CALN1: variants seen among roughly 807,000 people sequenced by gnomAD.
The protein encoded by CALN1 is calcium-binding protein 8.
Under a neutral mutation model 30.6 loss-of-function variants are expected in CALN1, and 17 were observed. The ratio of observed to expected loss-of-function variants is 0.56; its 90% CI spans 0.38 to 0.83. The LOEUF (loss-of-function observed/expected upper bound fraction) is 0.83. CALN1 is among the 40% of genes least tolerant of loss of function. CALN1 has a pLI of 0.00. For missense variants in CALN1, 291 were observed against 354.9 expected (o/e 0.82, Z 1.45); for synonymous variants, 156 against 131.4 (o/e 1.19, Z -1.28).
intron 3 of CALN1, among the ~76,000 whole-genome samples, chr7:72,190,462 C>T (rs1790521665): frequency 6.6e-6 from 1 of 152,184 alleles, no homozygotes; most frequent in South Asian, 2.1e-4. Context: ...CAGCATTTCC[C>T]AGACTTATTT....
intron 5 of CALN1, among the ~76,000 whole-genome samples, chr7:71,825,017 T>C (rs1562813594): frequency 6.6e-6 from 1 of 152,212 alleles, no homozygotes; most frequent in Non-Finnish European, 1.5e-5. Flanking sequence ...GCGAGGTCAG[T>C]AGATCTGCAT....
intron 2 of CALN1, among the ~76,000 whole-genome samples, chr7:72,306,277 A>T (rs887855680): frequency 6.6e-6 from 1 of 152,186 alleles, no homozygotes; most frequent in African/African-American, 2.4e-5. Context: ...ACATAGCTAG[A>T]TCTTTTTCTT....
intron 1 of CALN1, among the ~76,000 whole-genome samples, chr7:72,410,989 G>T (rs1026905226): frequency 5.9e-5 from 9 of 152,124 alleles, no homozygotes; most frequent in Admixed American, 2.6e-4. Context: ...TATATGTATG[G>T]AAAATCCCAA....
rs1325406238 is a variant in CALN1, at chr7:72,395,914, T to G, written c.119+7337A>C. 3.9e-5 allele frequency among the ~76,000 whole-genome samples: 6 copies of G among 152,180 alleles called. No homozygotes were observed. The East Asian group carries it at 1.2e-3, about 29-fold the overall frequency. On this transcript the variant is annotated intron_variant, in intron 2 of 6. Coordinates refer to ENST00000395275, the MANE Select transcript of CALN1 (RefSeq NM_031468.4). ...AATTCCAGGAGCTTCCTGAAAAGCT[T>G]CTGATTTAGGAGGTAGGACCTCCAA...
intron 5 of CALN1, among the ~76,000 whole-genome samples, chr7:71,980,215 C>A (rs1798323999): frequency 7.1e-6 from 1 of 141,146 alleles, no homozygotes; most frequent in Non-Finnish European, 1.5e-5. Flanking sequence ...GAGACAGAGT[C>A]TCACTCTCTT....
chr7:71,964,354 G>T (rs778554108), intron 5 of CALN1, among the ~76,000 whole-genome samples: 1 of 152,176 alleles, frequency 6.6e-6, no homozygotes, highest in African/African-American at 2.4e-5. Flanking sequence ...CTTGGTGGGC[G>T]TCTGTTACAG....
the CALN1 span, among the ~76,000 whole-genome samples, chr7:72,492,670 C>T: frequency 6.6e-6 from 1 of 152,192 alleles, no homozygotes; most frequent in Non-Finnish European, 1.5e-5. Context: ...AATAGTTGGA[C>T]TAGTGATTAG....
intron 5 of CALN1, among the ~76,000 whole-genome samples, chr7:71,934,601 G>A (rs1795733174): frequency 6.6e-6 from 1 of 152,150 alleles, no homozygotes; most frequent in Admixed American, 6.6e-5. Context: ...CTAACAGAAC[G>A]AGAACTCACT....
intron 5 of CALN1, among the ~76,000 whole-genome samples, chr7:71,853,381 T>C (rs1010952319): frequency 2.6e-5 from 4 of 152,172 alleles, no homozygotes; most frequent in African/African-American, 9.7e-5. Flanking sequence ...ATGTATACAT[T>C]ATGCAATGGC....
At chr7:72,205,365 T>C (rs1399671826) in intron 3 of CALN1, among the ~76,000 whole-genome samples, 2 of 150,608 alleles carry the variant, frequency 1.3e-5, no homozygotes, top group African/African-American at 4.9e-5. Context: ...CACACCTGGC[T>C]AATTTTTTGT....
chr7:72,074,666 C>G (rs1340101096), intron 4 of CALN1, among the ~76,000 whole-genome samples: 1 of 152,174 alleles, frequency 6.6e-6, no homozygotes. Context: ...CCTTGGCCTC[C>G]CAAAGTGTTG....
chr7:72,305,646 C>G (rs190491188), intron 2 of CALN1, among the ~76,000 whole-genome samples: 14 of 152,282 alleles, frequency 9.2e-5, no homozygotes, highest in Admixed American at 7.9e-4. Context: ...GCACACTGTA[C>G]CCAACATTGA....
At chr7:71,853,270 A>C (rs1790753302) in intron 5 of CALN1, among the ~76,000 whole-genome samples, 1 of 152,056 alleles carries the variant, frequency 6.6e-6, no homozygotes, top group Non-Finnish European at 1.5e-5. Flanking sequence ...ATTGGATTTT[A>C]AAATAAATTT....
chr7:72,406,615 C>CTT (rs1189744119), intron 1 of CALN1, among the ~76,000 whole-genome samples: 3 of 102,206 alleles, frequency 2.9e-5, no homozygotes, highest in African/African-American at 5.4e-5. Flanking sequence ...TCCTTGTCAG[C>CTT]TTTTTTTTTT....
At chr7:72,174,411 G>A (rs192680694) in intron 3 of CALN1, among the ~76,000 whole-genome samples, 147 of 152,214 alleles carry the variant, frequency 9.7e-4, no homozygotes, top group African/African-American at 3.4e-3. Context: ...GGAAACATAT[G>A]TCCACAGGAA....
chr7:72,221,379 G>A (rs951953186), intron 3 of CALN1, among the ~76,000 whole-genome samples: 2 of 144,160 alleles, frequency 1.4e-5, no homozygotes, highest in Non-Finnish European at 3.0e-5. Context: ...GTGCAGTGGC[G>A]TGATTTTGGC....
intron 3 of CALN1, among the ~76,000 whole-genome samples, chr7:72,225,472 G>C (rs1344001589): frequency 6.6e-6 from 1 of 152,078 alleles, no homozygotes; most frequent in African/African-American, 2.4e-5. Flanking sequence ...TGTTGGTCAA[G>C]CTTCAAAAGG....
At chr7:72,435,948 C>T (rs1298587644) in intron 1 of CALN1, among the ~76,000 whole-genome samples, 1 of 152,148 alleles carries the variant, frequency 6.6e-6, no homozygotes, top group Non-Finnish European at 1.5e-5. Flanking sequence ...TGGGCACTAC[C>T]CATTCCCTTG....
intron 2 of CALN1, among the ~76,000 whole-genome samples, chr7:72,291,387 C>G (rs932309068): frequency 6.6e-6 from 1 of 152,182 alleles, no homozygotes; most frequent in Non-Finnish European, 1.5e-5. Flanking sequence ...CCCCAGCAGC[C>G]TTTGCAACAG....
Sources: allele counts gnomAD v4.1 joint callset (sites outside exome capture counted in the v4.1 genomes callset), GRCh38; gene constraint gnomAD v4.1.1; transcripts MANE v1.5; gene names NCBI Gene and HGNC (gene_info 2026-07-23, HGNC 2026-07-21).